Variants in CCNY observed in about 807,000 individuals in gnomAD.
CCNY encodes cyclin-Y.
CCNY carries 19 observed loss-of-function variants against 42.8 expected under a neutral mutation model. The observed-to-expected ratio is 0.44, with a 90% confidence interval of 0.31 to 0.65. The LOEUF (loss-of-function observed/expected upper bound fraction) is 0.65. CCNY is among the 30% of genes least tolerant of loss of function. CCNY has a pLI of 0.07. For missense variants in CCNY, 370 were observed against 437.3 expected, an observed-to-expected ratio of 0.85 and a Z score of 1.37; for synonymous variants, 165 against 162.7, an observed-to-expected ratio of 1.01 and a Z score of -0.11.
At chr10:35,461,466 G>C (rs762838346) in intron 1 of CCNY, among the ~76,000 whole-genome samples, 3 of 152,214 alleles carry the variant, frequency 2.0e-5, no homozygotes, top group Admixed American at 1.3e-4. Flanking sequence ...ACCTGAGGGT[G>C]ATCAAGGACA....
At chr10:35,547,904 C>G (rs1435901818) in intron 7 of CCNY, among the ~76,000 whole-genome samples, 1 of 152,122 alleles carries the variant, frequency 6.6e-6, no homozygotes, top group Non-Finnish European at 1.5e-5. Context: ...GGTCACCCAA[C>G]TAATTTGGGA....
At chr10:35,291,528 C>CTTTTT (rs71523373) in intron 3 of CCNY, among the ~76,000 whole-genome samples, 2 of 109,326 alleles carry the variant, frequency 1.8e-5, no homozygotes, top group Non-Finnish European at 3.6e-5. Flanking sequence ...GTACGACTTC[C>CTTTTT]TTTTTTTTTT....
At chr10:35,454,563 C>T (rs953085611) in intron 1 of CCNY, among the ~76,000 whole-genome samples, 15 of 152,184 alleles carry the variant, frequency 9.9e-5, no homozygotes, top group Admixed American at 9.2e-4. Context: ...TCCATAGCTC[C>T]CAGAAGGATC....
intron 1 of CCNY, among the ~76,000 whole-genome samples, chr10:35,437,216 C>T (rs1286121208): frequency 6.6e-6 from 1 of 152,204 alleles, no homozygotes; most frequent in East Asian, 1.9e-4. Flanking sequence ...CAAATCATAT[C>T]AGTGTCACTT....
chr10:35,439,665 A>G (rs1218975467), intron 1 of CCNY, among the ~76,000 whole-genome samples: 1 of 149,360 alleles, frequency 6.7e-6, no homozygotes, highest in Non-Finnish European at 1.5e-5. Context: ...TATGTTCTTC[A>G]TTTCGTACAG....
Position 35,572,412 on chromosome 10 carries a change from T to C in CCNY, c.*3242T>C, listed in dbSNP as rs1009482188. 5 of 152,048 alleles carry C rather than the reference T, an allele frequency of 3.3e-5. No individual in the cohort carries two copies. The highest frequency in any genetic ancestry group is 9.7e-5 in the African/African-American group (4 of 41,380). 9.4% of individuals were successfully genotyped at this position (152,048 alleles called of 1,614,324 possible). On this transcript the variant is annotated 3_prime_UTR_variant, in exon 10 of 10. Transcript: ENST00000374704. ...ATTCTGCCTCAGCCTCCCGAGTAGC[T>C]AGGATCACAGGCACCCACCACCATG... is the stretch of plus-strand genomic sequence containing the variant.
intron 1 of CCNY, among the ~76,000 whole-genome samples, chr10:35,410,275 A>G (rs1837875091): frequency 6.6e-6 from 1 of 152,244 alleles, no homozygotes. Context: ...GAAATGATCA[A>G]TAAGTGGAAG....
chr10:35,481,594 G>GA (rs1839670679), intron 1 of CCNY, among the ~76,000 whole-genome samples: 1 of 152,192 alleles, frequency 6.6e-6, no homozygotes, highest in Admixed American at 6.5e-5. Context: ...GATGCTGTCT[G>GA]AGGCCAAGGA....
chr10:35,534,972 CACAT>C (rs1321712238), intron 7 of CCNY, among the ~76,000 whole-genome samples: 30 of 140,038 alleles, frequency 2.1e-4, no homozygotes, highest in Admixed American at 7.2e-5. Flanking sequence ...CACACACACA[CACAT>C]ATATATATAT....
intron 3 of CCNY, among the ~76,000 whole-genome samples, chr10:35,269,452 G>A (rs1475438495): frequency 6.6e-6 from 1 of 151,402 alleles, no homozygotes; most frequent in Non-Finnish European, 1.5e-5. Context: ...TAGTAGCCGG[G>A]GTTACTACAC....
At chr10:35,495,739 G>C (rs1346229596) in intron 2 of CCNY, among the ~76,000 whole-genome samples, 1 of 152,150 alleles carries the variant, frequency 6.6e-6, no homozygotes, top group East Asian at 1.9e-4. Flanking sequence ...CTTTGTTCTG[G>C]GCTCCAAAGT....
intron 3 of CCNY, among the ~76,000 whole-genome samples, chr10:35,509,834 C>T (rs1418712404): frequency 6.6e-6 from 1 of 152,186 alleles, no homozygotes; most frequent in African/African-American, 2.4e-5. Flanking sequence ...TCTTGAATTC[C>T]ACTCCACCCT....
At chr10:35,516,110 A>G (rs1238087509) in intron 3 of CCNY, among the ~76,000 whole-genome samples, 1 of 152,236 alleles carries the variant, frequency 6.6e-6, no homozygotes, top group Non-Finnish European at 1.5e-5. Flanking sequence ...AAGAGTAAGG[A>G]AAGTGGGTAC....
chr10:35,413,816 G>T (rs1464037715), intron 1 of CCNY, among the ~76,000 whole-genome samples: 1 of 152,182 alleles, frequency 6.6e-6, no homozygotes, highest in Admixed American at 6.5e-5. Flanking sequence ...CACTGAAGCG[G>T]GAAATGCGGT....
intron 1 of CCNY, among the ~76,000 whole-genome samples, chr10:35,467,404 TAGC>T (rs1839291818): frequency 6.6e-6 from 1 of 152,122 alleles, no homozygotes; most frequent in South Asian, 2.1e-4. Flanking sequence ...TGTGGAAAAA[TAGC>T]AGCCACTTGA....
At chr10:35,325,647 T>G (rs1453195582) in intron 3 of CCNY, among the ~76,000 whole-genome samples, 3 of 151,832 alleles carry the variant, frequency 2.0e-5, no homozygotes, top group African/African-American at 7.3e-5. Flanking sequence ...TTTGTATTTT[T>G]TAGTAGAGAC....
Position 35,411,478 on chromosome 10 carries a change from G to A in CCNY, c.155-71926G>A, listed in dbSNP as rs1190373399. Among the ~76,000 whole-genome samples the A allele has an allele frequency of 2.3e-5, 3 of 131,500 alleles. No individual in the cohort carries two copies. The East Asian group carries it at 6.9e-4, about 30-fold the overall frequency. 86.3% of individuals were successfully genotyped at this position (131,500 alleles called of 152,430 possible). On this transcript the variant is annotated intron_variant, in intron 1 of 9. Transcript: ENST00000374704. Reference sequence around the variant, plus strand: ...TGCAGTGAGCTAAAATCAAGCCACTGCACTCCAGCCTGGGTGACAGAGCAA... The same window carrying A: ...TGCAGTGAGCTAAAATCAAGCCACTACACTCCAGCCTGGGTGACAGAGCAA...
At chr10:35,279,235 C>T (rs541647871) in intron 3 of CCNY, among the ~76,000 whole-genome samples, 2 of 151,770 alleles carry the variant, frequency 1.3e-5, no homozygotes, top group Admixed American at 1.3e-4. Context: ...TCTGCCTCAG[C>T]CTCCTGAGTA....
chr10:35,568,977 C>G (rs1423405636), intron 9 of CCNY, 77 bp from the exon 10 acceptor site: 1 of 941,104 alleles, frequency 1.1e-6, no homozygotes, highest in Admixed American at 1.7e-5. Flanking sequence ...CATGCAGCGC[C>G]CTCGGCGCCC....
Sources: allele counts gnomAD v4.1 joint callset (sites outside exome capture counted in the v4.1 genomes callset), GRCh38; gene constraint gnomAD v4.1.1; transcripts MANE v1.5; gene names NCBI Gene and HGNC (gene_info 2026-07-23, HGNC 2026-07-21).